Variants in TONSL observed in about 807,000 individuals in gnomAD.
TONSL encodes the protein tonsoku like, DNA repair protein, also known as tonsoku-like protein.
Under a neutral mutation model 147.1 loss-of-function variants are expected in TONSL, and 112 were observed. The observed-to-expected ratio is 0.76, with a 90% CI of 0.65 to 0.89. The LOEUF (loss-of-function observed/expected upper bound fraction) is 0.89, where lower values mean the gene tolerates loss of function less well. Ranked by LOEUF, TONSL falls within the 40% of genes least tolerant of loss-of-function variation. The pLI, the probability that TONSL is intolerant of heterozygous loss-of-function variation, is 0.00. For synonymous variants in TONSL, 868 were observed against 801.5 expected, an observed-to-expected ratio of 1.08 and a Z score of -1.40; for missense variants, 1,883 against 1,864.6, an observed-to-expected ratio of 1.01 and a Z score of -0.18.
chr8:144,430,167 G>A (rs2130834222), intron 25 of TONSL, among the ~76,000 whole-genome samples: 1 of 152,326 alleles, frequency 6.6e-6, no homozygotes, highest in African/African-American at 2.4e-5. Context: ...CTGAAGGTTG[G>A]GTTGGAGAGA....
At chr8:144,431,589 A>C (rs1191810584) in intron 23 of TONSL, among the ~76,000 whole-genome samples, 1 of 150,416 alleles carries the variant, frequency 6.6e-6, no homozygotes, top group Non-Finnish European at 1.5e-5. Context: ...ATCTCGGCTC[A>C]CTGCAAGCTC....
rs201574655 is a variant in TONSL at position 144,437,377 on chromosome 8, C to T, written c.1654-278G>A. 1.1e-4 allele frequency among the ~76,000 whole-genome samples: 17 copies of T among 152,324 alleles called. No homozygotes were observed. The East Asian group carries it at 2.7e-3, about 24-fold the overall frequency. Reference sequence around the variant, plus strand: ...CCTGGTCGCAGGGGCATGAGGCAGGCGGGGCGGGAAGGTGCCCAGATCTCA... The same window carrying T: ...CCTGGTCGCAGGGGCATGAGGCAGGTGGGGCGGGAAGGTGCCCAGATCTCA... On this transcript the variant is annotated intron_variant, in intron 13 of 25. Transcript: ENST00000409379.
Position 144,443,896 on chromosome 8 carries a change from G to A in TONSL, c.250C>T (p.Pro84Ser). ...GERLAEMEDY[P>S]AALQHQHQYL... is the part of the protein sequence containing the mutation. Reference sequence around the variant, plus strand: ...GGCGCCCGCACCTGCAAGGCAGCCGGGTAGTCCTCCATCTCGGCCAGGCGC... The same window carrying A: ...GGCGCCCGCACCTGCAAGGCAGCCGAGTAGTCCTCCATCTCGGCCAGGCGC... Residue 84 changes from proline to serine, a missense_variant, in exon 3 of 26, where the codon CCG becomes TCG. Coordinates refer to ENST00000409379, the MANE Select transcript of TONSL (RefSeq NM_013432.5). 2 of 1,545,558 alleles carry A rather than the reference G, an allele frequency of 1.3e-6. No homozygotes were observed. The highest frequency in any genetic ancestry group is 1.7e-6 in the Non-Finnish European group (2 of 1,146,652).
In TONSL at chr8:144,433,964, C is replaced by A; in HGVS notation, c.3387+14G>T. 1 of 1,560,332 alleles carries A rather than the reference C, an allele frequency of 6.4e-7. No individual in the cohort carries two copies. Among genetic ancestry groups the A allele is most frequent in the South Asian group, 1.2e-5 (1 of 83,660 alleles). ...TCCCCGCTGTTGAGGGCCTGCTGCT[C>A]TCTGTGCCTATACCTGCAAGGTGGC... On this transcript the variant is annotated intron_variant, in intron 21 of 25. Transcript: ENST00000409379.
chr8:144,432,646 C>A (rs1326150095), intron 22 of TONSL, 186 bp from the exon 23 acceptor site: 2 of 568,454 alleles, frequency 3.5e-6, no homozygotes, highest in East Asian at 6.8e-5. Flanking sequence ...CGGGGCCAGA[C>A]TTCCAAGCTC....
intron 23 of TONSL, among the ~76,000 whole-genome samples, chr8:144,431,397 T>TTCC (rs1823182922): frequency 1.3e-5 from 2 of 152,176 alleles, no homozygotes; most frequent in Non-Finnish European, 2.9e-5. Context: ...AGTGTGCCCC[T>TTCC]TGGGACCTTC....
Position 144,434,217 on chromosome 8 carries a change from A to C in TONSL, c.3148T>G (p.Cys1050Gly), listed in dbSNP as rs1286032608. ...TGGGCCTGGTCCAGGGCCAGGGAGCAGGCGCTGAACGAGAGGCCCAAGCCC... is the reference window on the plus strand; with the variant it reads ...TGGGCCTGGTCCAGGGCCAGGGAGCCGGCGCTGAACGAGAGGCCCAAGCCC... ...LQGLGLSFSA[C>G]SLALDQAQLT... Residue 1050 changes from cysteine (C) to glycine (G), a missense_variant, in exon 21 of 26, where the codon TGC (cysteine) becomes GGC (glycine). Transcript: ENST00000409379. 1 of 1,564,630 alleles carries C rather than the reference A, an allele frequency of 6.4e-7. No individual in the cohort carries two copies. Among genetic ancestry groups the C allele is most frequent in the East Asian group, 2.3e-5 (1 of 43,948 alleles).
intron 13 of TONSL, among the ~76,000 whole-genome samples, chr8:144,437,947 G>C (rs1218699643): frequency 1.3e-5 from 2 of 152,162 alleles, no homozygotes; most frequent in Non-Finnish European, 1.5e-5. Flanking sequence ...CTGTCACACA[G>C]GTTGGAGTGC....
chr8:144,432,278 C>T lies in TONSL; in HGVS notation c.3735+7G>A. The T allele has an allele frequency of 1.9e-6, 3 of 1,613,346 alleles. No individual in the cohort carries two copies. The highest frequency in any genetic ancestry group is 2.5e-6 in the Non-Finnish European group (3 of 1,179,742). ...CAGTATTTTCTGGGTTCTTCCCCAC[C>T]TCGTACCTTGGCCAGGTATCGGAAT... On this transcript the variant is annotated splice_region_variant and intron_variant, in intron 23 of 25. Coordinates refer to ENST00000409379, the MANE Select transcript of TONSL (RefSeq NM_013432.5).
chr8:144,440,794 C>G lies in TONSL; in HGVS notation c.1088G>C (p.Gly363Ala). The change falls in exon 9 of 26, where the codon GGA (glycine) becomes GCA (alanine). Residue 363 changes from glycine (G) to alanine (A), a missense_variant. Gly to Ala is a moderately conservative substitution (Grantham distance 60). Transcript: ENST00000409379. ...GGCCCCATGGTGGTCCTTCATGTCT[C>G]CCAGTGTGGTGGCCAGGGACACGTG... ...IIHVSLATTL[G>A]DMKDHHGAVR... 1 of 1,612,942 alleles carries G rather than the reference C, an allele frequency of 6.2e-7. No individual in the cohort carries two copies. Among genetic ancestry groups the G allele is most frequent in the Non-Finnish European group, 8.5e-7 (1 of 1,179,992 alleles).
At chr8:144,443,778 C>T in intron 3 of TONSL, 104 bp downstream of exon 3, 1 of 1,460,200 alleles carries the variant, frequency 6.8e-7, no homozygotes, top group South Asian at 1.3e-5. Context: ...GGTCAGGTGT[C>T]CCCTCCAGCC....
At chr8:144,441,868 G>A in intron 7 of TONSL, 169 bp downstream of exon 7, 3 of 592,158 alleles carry the variant, frequency 5.1e-6, no homozygotes, top group Non-Finnish European at 8.9e-6. Context: ...CTCCTGTCAG[G>A]AAGTAGGGGT....
intron 11 of TONSL, among the ~76,000 whole-genome samples, chr8:144,439,338 A>G (rs1268789273): frequency 1.3e-5 from 2 of 152,184 alleles, no homozygotes; most frequent in South Asian, 2.1e-4. Context: ...CCAAAATTCT[A>G]GATCCTGATC....
rs1823496436 is a variant in TONSL at position 144,437,074 on chromosome 8, T to C, written c.1679A>G (p.Tyr560Cys). Residue 560 changes from tyrosine (Y) to cysteine (C), a missense_variant, in exon 14 of 26, where the codon TAC (tyrosine) becomes TGC (cysteine). Coordinates refer to ENST00000409379, the MANE Select transcript of TONSL (RefSeq NM_013432.5). ...CTCGTGCAGAGGTGTCCAGCCACAG[T>C]AGTCCCGAGGGTTAAGGGGGTGGCC... ...RQGHPLNPRD[Y>C]CGWTPLHEAC... The C allele has an allele frequency of 6.2e-7, 1 of 1,613,058 alleles. No homozygotes were observed. Among genetic ancestry groups the C allele is most frequent in the Non-Finnish European group, 8.5e-7 (1 of 1,179,988 alleles).
In TONSL at chr8:144,442,946, G is replaced by A. The variant is rs143166053; in HGVS notation, c.449-140C>T. 8.9e-3 allele frequency: 11,506 copies of A among 1,291,672 alleles called. 63 individuals carry two copies. Among genetic ancestry groups the A allele is most frequent in the Non-Finnish European group, 9.8e-3 (9,361 of 957,326 alleles). The allele number at this position is 1,291,672 out of a possible 1,614,324, so 80.0% of individuals were successfully genotyped here. On this transcript the variant is annotated intron_variant, in intron 4 of 25. Transcript: ENST00000409379. Reference sequence around the variant, plus strand: ...TGGGTGCAAGTGTCCTGCGGCAGATGGAGCACAGAGTGGATAAAGAGCTGA... The same window carrying A: ...TGGGTGCAAGTGTCCTGCGGCAGATAGAGCACAGAGTGGATAAAGAGCTGA...
chr8:144,440,254 A>G lies in TONSL; in HGVS notation c.1291-44T>C, dbSNP rs2620650. The G allele has an allele frequency of 0.98, 1,531,724 of 1,558,920 alleles. 754,353 individuals carry two copies. The highest frequency in any genetic ancestry group is 1 in the Non-Finnish European group (1,148,122 of 1,150,204). ...CTCAGCTCAGGACTGGGGGCTGTGG[A>G]CGCAGAGAAAGATGGGGATGGGGCA... On this transcript the variant is annotated intron_variant, in intron 10 of 25. Transcript: ENST00000409379.
rs1030682242 is a variant in TONSL at position 144,429,014 on chromosome 8, C to A, written c.*129G>T. 1.5e-5 allele frequency: 16 copies of A among 1,083,708 alleles called. No homozygotes were observed. The highest frequency in any genetic ancestry group is 6.4e-5 in the Admixed American group (2 of 31,460). The allele number at this position is 1,083,708 out of a possible 1,614,324, so 67.1% of individuals were successfully genotyped here. ...CCATGTTAGCCAGGATGGTCTCGAT[C>A]TCCTGACCTCGTGATCCGCCCGCCT... On this transcript the variant is annotated 3_prime_UTR_variant, in exon 26 of 26. Coordinates refer to ENST00000409379, the MANE Select transcript of TONSL (RefSeq NM_013432.5).
intron 11 of TONSL, 42 bp downstream of exon 11, chr8:144,439,979 C>A: frequency 1.2e-6 from 1 of 850,230 alleles, no homozygotes. Flanking sequence ...CAGCCCGGCC[C>A]AGAGCAGGCC....
At position 144,438,551 on chromosome 8, in the gene TONSL, G is replaced by C; in HGVS notation, c.1573C>G (p.Arg525Gly). 1.2e-6 allele frequency: 2 copies of C among 1,613,130 alleles called. No individual in the cohort carries two copies. Among genetic ancestry groups the C allele is most frequent in the South Asian group, 2.2e-5 (2 of 91,072 alleles). Residue 525 changes from arginine (R) to glycine (G), a missense_variant, in exon 13 of 26, where the codon CGA (arginine) becomes GGA (glycine). By Grantham distance (125) the Arg-to-Gly change is moderately radical. Coordinates refer to ENST00000409379, the MANE Select transcript of TONSL (RefSeq NM_013432.5). ...AGCAGGGTCTCCCCCATGTCGTTTC[G>C]CCGGTTCCACTGTGGGCACAGCCAA... ...GRRKGSKWNR[R>G]NDMGETLLHR...
Sources: gnomAD v4.1 joint callset for allele counts (sites outside exome capture counted in the v4.1 genomes callset) on GRCh38, gnomAD v4.1.1 for gene constraint, MANE v1.5 for transcripts, NCBI Gene and HGNC (gene_info 2026-07-23, HGNC 2026-07-21) for gene names.